The following BCAS3 variants were observed in gnomAD, a reference collection of about 807,000 sequenced individuals.
BCAS3 encodes BCAS3 microtubule associated cell migration factor.
BCAS3 carries 53 observed loss-of-function variants against 116.1 expected under a neutral mutation model. The ratio of observed to expected loss-of-function variants is 0.46; its 90% CI spans 0.37 to 0.57. The LOEUF is 0.57. BCAS3 is among the 20% of genes least tolerant of loss of function. The probability of loss-of-function intolerance (pLI) is 0.00; values close to 1 mark genes in which losing one functional copy is unlikely to be tolerated. For missense variants in BCAS3, 917 were observed against 1,165.4 expected (o/e 0.79, Z 3.10); for synonymous variants, 391 against 408.2 (o/e 0.96, Z 0.51).
chr17:60,953,795 G>A (rs1020678241), intron 14 of BCAS3, among the ~76,000 whole-genome samples: 3 of 150,642 alleles, frequency 2.0e-5, no homozygotes, highest in Non-Finnish European at 4.4e-5. Context: ...GTGCAATGGC[G>A]TGATCTCTGC....
At chr17:61,165,201 G>A (rs1435167783) in intron 22 of BCAS3, among the ~76,000 whole-genome samples, 2 of 152,166 alleles carry the variant, frequency 1.3e-5, no homozygotes, top group East Asian at 1.9e-4. Context: ...CCAACAGCAT[G>A]TAAATTAGAC....
Position 61,060,436 on chromosome 17 carries a change from C to G in BCAS3, c.2030-14484C>G, listed in dbSNP as rs80346864. Among the ~76,000 whole-genome samples, 734 of 152,160 alleles carry G rather than the reference C, an allele frequency of 4.8e-3. 5 individuals are homozygous for G. Among genetic ancestry groups the G allele is most frequent in the African/African-American group, 0.017 (707 of 41,508 alleles). On this transcript the variant is annotated intron_variant, in intron 19 of 23. Transcript: ENST00000407086. ...AGGCGCGAGCCACTGCGCCCGGCCA[C>G]CAGACCTAAATGTATTAACATGGAT...
In BCAS3 at chr17:60,967,512, G is replaced by A. The variant is rs2061722818; in HGVS notation, c.1221+20160G>A. Among the ~76,000 whole-genome samples, 2 of 152,130 alleles carry A rather than the reference G, an allele frequency of 1.3e-5. No individual in the cohort carries two copies. Among genetic ancestry groups the A allele is most frequent in the South Asian group, 4.1e-4 (2 of 4,822 alleles). On this transcript the variant is annotated intron_variant, in intron 14 of 23. Transcript: ENST00000407086. The surrounding 1 kb of genome is among the most constrained non-coding windows in gnomAD (Gnocchi z 4.7). ...GAGAGTTTCATTATTATACGTGTTA[G>A]AGTACTTTTATTTGGGTTGAGTGTT...
At chr17:60,703,889 C>T (rs1319261163) in intron 4 of BCAS3, among the ~76,000 whole-genome samples, 1 of 148,664 alleles carries the variant, frequency 6.7e-6, no homozygotes, top group Non-Finnish European at 1.5e-5. Context: ...ACTCCAGCCG[C>T]CTGGGCAACG....
intron 5 of BCAS3, among the ~76,000 whole-genome samples, chr17:60,733,947 C>T (rs1315315817): frequency 6.6e-6 from 1 of 152,174 alleles, no homozygotes; most frequent in Non-Finnish European, 1.5e-5. Context: ...AATGTTTTCT[C>T]AGTTTATGGC....
At chr17:60,809,286 AAG>A (rs58041987) in intron 7 of BCAS3, among the ~76,000 whole-genome samples, 1 of 151,772 alleles carries the variant, frequency 6.6e-6, no homozygotes, top group African/African-American at 2.4e-5. Context: ...AAAAAAAAAA[AAG>A]AGAGAGTTTG....
Position 61,235,291 on chromosome 17 carries a change from C to T in BCAS3, c.2426-133036C>T, listed in dbSNP as rs1265531119. On this transcript the variant is annotated intron_variant, in intron 22 of 23. Transcript: ENST00000407086. The surrounding 1 kb of genome is among the most constrained non-coding windows in gnomAD (Gnocchi z 5.0). Reference sequence around the variant, plus strand: ...TGAAGGACCGGATAAGTGTAGTTTCCAGAATCCTTCTTGGCTAGTTATAGT... The same window carrying T: ...TGAAGGACCGGATAAGTGTAGTTTCTAGAATCCTTCTTGGCTAGTTATAGT... 6.6e-6 allele frequency among the ~76,000 whole-genome samples: 1 copy of T among 152,142 alleles called. No homozygotes were observed. Among genetic ancestry groups the T allele is most frequent in the African/African-American group, 2.4e-5 (1 of 41,424 alleles).
In BCAS3 at chr17:60,803,930, T is replaced by C. The variant is rs1329973958; in HGVS notation, c.404-4074T>C. Among the ~76,000 whole-genome samples the C allele has an allele frequency of 3.3e-5, 5 of 149,956 alleles. No homozygotes were observed. The East Asian group carries it at 1.0e-3, about 30-fold the overall frequency. Reference sequence around the variant, plus strand: ...GATTCTCCTGCCTCAGCCTCTTGAGTAGCTGGGATTACAGGCATGCACCAC... The same window carrying C: ...GATTCTCCTGCCTCAGCCTCTTGAGCAGCTGGGATTACAGGCATGCACCAC... On this transcript the variant is annotated intron_variant, in intron 6 of 23. Coordinates refer to ENST00000407086, the MANE Select transcript of BCAS3 (RefSeq NM_017679.5).
intron 11 of BCAS3, among the ~76,000 whole-genome samples, chr17:60,907,531 A>G (rs1268971460): frequency 6.6e-6 from 1 of 152,228 alleles, no homozygotes; most frequent in Non-Finnish European, 1.5e-5. Context: ...TGCTTGCAGC[A>G]GAACAGAATA....
chr17:60,981,085 T>C (rs2145399053), intron 14 of BCAS3, among the ~76,000 whole-genome samples: 1 of 152,044 alleles, frequency 6.6e-6, no homozygotes, highest in East Asian at 1.9e-4. Context: ...GTCCTCCCAC[T>C]TCCCCCTCCC....
intron 18 of BCAS3, 68 bp downstream of exon 18, chr17:61,038,122 T>A: frequency 7.1e-7 from 1 of 1,416,748 alleles, no homozygotes; most frequent in Non-Finnish European, 9.6e-7. Context: ...AAGCGTATAA[T>A]TTGATAAGTT....
At position 61,285,494 on chromosome 17, in the gene BCAS3, C is replaced by T. The variant is rs1290795741; in HGVS notation, c.2426-82833C>T. Among the ~76,000 whole-genome samples the T allele has an allele frequency of 6.6e-6, 1 of 152,180 alleles. No homozygotes were observed. The highest frequency in any genetic ancestry group is 1.5e-5 in the Non-Finnish European group (1 of 68,036). On this transcript the variant is annotated intron_variant, in intron 22 of 23. Transcript: ENST00000407086. The surrounding 1 kb of genome is among the most constrained non-coding windows in gnomAD (Gnocchi z 5.4). ...TCCATAGGATCTAGACTAGACTAGACTAGAGGATTGACGCAGTGAAAATGT... is the reference window on the plus strand; with the variant it reads ...TCCATAGGATCTAGACTAGACTAGATTAGAGGATTGACGCAGTGAAAATGT...
intron 15 of BCAS3, among the ~76,000 whole-genome samples, chr17:60,998,304 A>C (rs1189140610): frequency 6.6e-6 from 1 of 152,182 alleles, no homozygotes; most frequent in African/African-American, 2.4e-5. Context: ...ACTGCGATGA[A>C]CATATAAGTG....
intron 5 of BCAS3, among the ~76,000 whole-genome samples, chr17:60,738,654 A>G (rs2041219243): frequency 2.6e-5 from 4 of 151,954 alleles, no homozygotes; most frequent in Non-Finnish European, 4.4e-5. Context: ...CGTTTTCACA[A>G]TCTCTGTTGT....
intron 22 of BCAS3, among the ~76,000 whole-genome samples, chr17:61,169,089 C>T (rs1358707816): frequency 6.6e-6 from 1 of 152,172 alleles, no homozygotes; most frequent in Non-Finnish European, 1.5e-5. Flanking sequence ...CCAGCCAATA[C>T]ATTATTTAAC....
At chr17:60,869,048 A>T (rs1455294660) in intron 8 of BCAS3, among the ~76,000 whole-genome samples, 1 of 152,226 alleles carries the variant, frequency 6.6e-6, no homozygotes, top group Non-Finnish European at 1.5e-5. Context: ...TGTGAAATGT[A>T]GTTTTGCTGT....
chr17:60,766,651 C>T (rs2044126815), intron 6 of BCAS3, among the ~76,000 whole-genome samples: 1 of 152,212 alleles, frequency 6.6e-6, no homozygotes, highest in African/African-American at 2.4e-5. Context: ...ACACAGGGGT[C>T]AGGGACCCAC....
At position 60,953,946 on chromosome 17, in the gene BCAS3, C is replaced by G. The variant is rs184202167; in HGVS notation, c.1221+6594C>G. Among the ~76,000 whole-genome samples the G allele has an allele frequency of 1.0e-3, 158 of 152,156 alleles. 1 individual carries two copies. Among genetic ancestry groups the G allele is most frequent in the African/African-American group, 3.7e-3 (155 of 41,512 alleles). ...ATGGGGTTTCACTATATTGGCCAGG[C>G]TGGTCTCGAATTCCTGACCTTAGGC... On this transcript the variant is annotated intron_variant, in intron 14 of 23. Transcript: ENST00000407086.
At chr17:61,111,177 G>A (rs1011794391) in intron 22 of BCAS3, among the ~76,000 whole-genome samples, 10 of 152,024 alleles carry the variant, frequency 6.6e-5, no homozygotes, top group South Asian at 4.2e-4. Context: ...AACGCAGAGC[G>A]TCTCTCCTCC....
Sources: gnomAD v4.1 joint callset for allele counts (sites outside exome capture counted in the v4.1 genomes callset) on GRCh38, gnomAD v4.1.1 for gene constraint, Gnocchi (gnomAD v3.1) non-coding constraint, MANE v1.5 for transcripts, NCBI Gene and HGNC (gene_info 2026-07-23, HGNC 2026-07-21) for gene names.